THADA: variants seen among roughly 807,000 people sequenced by gnomAD.
THADA encodes the protein THADA armadillo repeat containing.
In THADA, 213 loss-of-function variants were observed where a neutral mutation model predicts 219.8. That is an observed-to-expected ratio of 0.97 (90% CI 0.87 to 1.09). The LOEUF (loss-of-function observed/expected upper bound fraction) is 1.09. Ranked by LOEUF, THADA falls within the 50% of genes least tolerant of loss-of-function variation. The pLI is 0.00. For missense variants in THADA, 2,956 were observed against 2,311.3 expected (o/e 1.28, Z -5.72); for synonymous variants, 1,018 against 828.9 (o/e 1.23, Z -3.92).
At chr2:43,379,749 T>G (rs1671781685) in intron 29 of THADA, among the ~76,000 whole-genome samples, 1 of 152,248 alleles carries the variant, frequency 6.6e-6, no homozygotes, top group South Asian at 2.1e-4. Flanking sequence ...CAAATATGTA[T>G]AGTACCTTTG....
At chr2:43,484,073 T>C (rs1686583189) in intron 26 of THADA, among the ~76,000 whole-genome samples, 2 of 152,036 alleles carry the variant, frequency 1.3e-5, no homozygotes, top group Non-Finnish European at 2.9e-5. Context: ...TAATGTTTTA[T>C]TTATTTAAAA....
At chr2:43,488,887 T>C (rs1687245514) in intron 25 of THADA, among the ~76,000 whole-genome samples, 1 of 152,228 alleles carries the variant, frequency 6.6e-6, no homozygotes, top group African/African-American at 2.4e-5. Flanking sequence ...CATGGAATGG[T>C]AACTCATTGT....
chr2:43,539,568 C>G (rs1695037374), intron 21 of THADA, among the ~76,000 whole-genome samples: 1 of 152,132 alleles, frequency 6.6e-6, no homozygotes, highest in Non-Finnish European at 1.5e-5. Flanking sequence ...GGACGGGGTT[C>G]CAGTGTTAGA....
intron 29 of THADA, among the ~76,000 whole-genome samples, 198 bp downstream of exon 29, chr2:43,397,773 C>A (rs1437751224): frequency 6.6e-6 from 1 of 151,626 alleles, no homozygotes; most frequent in Non-Finnish European, 1.5e-5. Context: ...AAGAGAATCA[C>A]AATGTAACAC....
intron 16 of THADA, among the ~76,000 whole-genome samples, chr2:43,559,909 G>A (rs1352562801): frequency 6.6e-6 from 1 of 152,196 alleles, no homozygotes; most frequent in East Asian, 1.9e-4. Flanking sequence ...AATATTACAT[G>A]TCCAAGGGAA....
chr2:43,271,394 A>T (rs1234251966), intron 36 of THADA, among the ~76,000 whole-genome samples: 2 of 152,208 alleles, frequency 1.3e-5, no homozygotes, highest in Admixed American at 6.5e-5. Flanking sequence ...CTGTGACCTC[A>T]GGGCAATTTC....
chr2:43,535,322 G>C (rs1336524910), intron 21 of THADA, among the ~76,000 whole-genome samples: 1 of 151,572 alleles, frequency 6.6e-6, no homozygotes, highest in Non-Finnish European at 1.5e-5. Context: ...TGTGCAGAAG[G>C]TTTTTAGTTT....
At chr2:43,236,938 G>A (rs903637714) in intron 36 of THADA, among the ~76,000 whole-genome samples, 8 of 151,582 alleles carry the variant, frequency 5.3e-5, no homozygotes, top group Non-Finnish European at 1.2e-4. Context: ...CAGGCATGGT[G>A]GTGGGCGCCT....
chr2:43,334,754 G>A (rs973122486), intron 30 of THADA, among the ~76,000 whole-genome samples: 5 of 151,110 alleles, frequency 3.3e-5, no homozygotes, highest in African/African-American at 7.3e-5. Flanking sequence ...CAGCCTGGGC[G>A]ACAGAGCGAG....
intron 36 of THADA, among the ~76,000 whole-genome samples, chr2:43,240,151 T>G (rs1572727828): frequency 6.6e-6 from 1 of 150,748 alleles, no homozygotes. Flanking sequence ...GCAGGGTGGG[T>G]GAGAGGACAC....
chr2:43,366,312 G>A (rs1348338218), intron 29 of THADA, among the ~76,000 whole-genome samples: 1 of 152,088 alleles, frequency 6.6e-6, no homozygotes, highest in Non-Finnish European at 1.5e-5. Context: ...AGATGCATAG[G>A]GATTCAGTCA....
intron 31 of THADA, among the ~76,000 whole-genome samples, chr2:43,311,478 T>TA (rs1677505663): frequency 6.6e-6 from 1 of 152,198 alleles, no homozygotes; most frequent in African/African-American, 2.4e-5. Flanking sequence ...AAGTTAAACT[T>TA]AGAGTTGGCA....
At chr2:43,269,885 G>A (rs1429184371) in intron 36 of THADA, among the ~76,000 whole-genome samples, 2 of 152,134 alleles carry the variant, frequency 1.3e-5, no homozygotes, top group Non-Finnish European at 2.9e-5. Context: ...GTGGAATCCC[G>A]GGCTGACTCA....
chr2:43,413,422 T>A lies in THADA; in HGVS notation c.4058+14678A>T, dbSNP rs537044043. On this transcript the variant is annotated intron_variant, in intron 28 of 37. Coordinates refer to ENST00000405975, the MANE Select transcript of THADA (RefSeq NM_022065.5). ...GATGGGTTGGGTTTTGGACAGAACC[T>A]AATACAGCAGCATAAGGTGAGATAC... Among the ~76,000 whole-genome samples, 15 of 152,310 alleles carry A rather than the reference T, an allele frequency of 9.8e-5. No individual in the cohort carries two copies. In the South Asian group the frequency reaches 3.1e-3, roughly 32 times the overall value.
At chr2:43,485,199 TA>T in intron 26 of THADA, 34 bp downstream of exon 26, 2 of 1,536,034 alleles carry the variant, frequency 1.3e-6, no homozygotes, top group African/African-American at 1.4e-5. Flanking sequence ...TTGTATTTTT[TA>T]AAAAAAGTAA....
rs145577957 is a variant in THADA at position 43,480,122 on chromosome 2, G to A, written c.3836+5112C>T. On this transcript the variant is annotated intron_variant, in intron 26 of 37. Transcript: ENST00000405975. ...AGCATGTGCTCTGCAGATGGAGCTCGCTTTGTGTTCTAGTTCTGCCACTTT... is the reference window on the plus strand; with the variant it reads ...AGCATGTGCTCTGCAGATGGAGCTCACTTTGTGTTCTAGTTCTGCCACTTT... Among the ~76,000 whole-genome samples, 594 of 152,324 alleles carry A rather than the reference G, an allele frequency of 3.9e-3. 7 individuals are homozygous for A. The highest frequency in any genetic ancestry group is 4.7e-3 in the Non-Finnish European group (320 of 68,030).
At chr2:43,246,270 G>A (rs1391993319) in intron 36 of THADA, among the ~76,000 whole-genome samples, 3 of 152,272 alleles carry the variant, frequency 2.0e-5, no homozygotes, top group South Asian at 2.1e-4. Context: ...TGAGGCAGGC[G>A]GATCACTTGA....
At position 43,566,759 on chromosome 2, in the gene THADA, C is replaced by A. The variant is rs555165640; in HGVS notation, c.2250G>T (p.Ser750=). The part of the protein sequence containing the change: ...FEALFPGSSY[S]TRFSALTILG... ...AAATGGTTAAAGCTGAAAATCTAGTCGAGTAGGAAGATCCAGGAAACAATG... is the reference window on the plus strand; with the variant it reads ...AAATGGTTAAAGCTGAAAATCTAGTAGAGTAGGAAGATCCAGGAAACAATG... Residue 750 remains serine, a synonymous_variant, in exon 15 of 38, where the codon TCG becomes TCT. Transcript: ENST00000405975. 26 of 1,567,976 alleles carry A rather than the reference C, an allele frequency of 1.7e-5. No homozygotes were observed. The highest frequency in any genetic ancestry group is 1.1e-4 in the African/African-American group (8 of 71,512).
chr2:43,327,686 G>T (rs1004312494), intron 30 of THADA, among the ~76,000 whole-genome samples: 2 of 152,126 alleles, frequency 1.3e-5, no homozygotes, highest in Admixed American at 1.3e-4. Context: ...TGGAAGGATT[G>T]CTTGAGATCA....
Sources: gnomAD v4.1 joint callset for allele counts (sites outside exome capture counted in the v4.1 genomes callset) on GRCh38, gnomAD v4.1.1 for gene constraint, MANE v1.5 for transcripts, NCBI Gene and HGNC (gene_info 2026-07-23, HGNC 2026-07-21) for gene names.